Variants in SBNO1 observed in about 807,000 individuals in gnomAD.
SBNO1 encodes protein strawberry notch homolog 1.
A neutral mutation model predicts 173.6 loss-of-function variants in SBNO1; 23 were observed. That is an observed-to-expected ratio of 0.13 (90% CI 0.10 to 0.19). The LOEUF is 0.19. Ranked by LOEUF, SBNO1 falls within the 10% of genes least tolerant of loss-of-function variation. SBNO1 has a pLI of 1.00. For synonymous variants in SBNO1, 632 were observed against 571.5 expected (o/e 1.11, Z -1.51); for missense variants, 1,238 against 1,671.2 (o/e 0.74, Z 4.52).
chr12:123,317,063 C>A (rs1332037369), intron 21 of SBNO1, among the ~76,000 whole-genome samples, 158 bp downstream of exon 21: 2 of 152,208 alleles, frequency 1.3e-5, no homozygotes, highest in African/African-American at 4.8e-5. Context: ...GTCTCAAACT[C>A]CCGGACTCAA....
intron 31 of SBNO1, among the ~76,000 whole-genome samples, chr12:123,297,411 A>T: frequency 7.0e-6 from 1 of 142,760 alleles, no homozygotes; most frequent in African/African-American, 2.5e-5. Flanking sequence ...AAAAAAAAAA[A>T]AAAAAAAAAA....
At position 123,293,746 on chromosome 12, in the gene SBNO1, T is replaced by C. The variant is rs1486547152; in HGVS notation, c.*2162A>G. On this transcript the variant is annotated 3_prime_UTR_variant, in exon 32 of 32. Transcript: ENST00000602398. ...CTTAGCTGCATGCTAAGAATCCTCA[T>C]ATGCTGCTTTGAAAACGCCATAAAA... The C allele has an allele frequency of 6.6e-6, 1 of 152,214 alleles. No individual in the cohort carries two copies. Among genetic ancestry groups the C allele is most frequent in the Non-Finnish European group, 1.5e-5 (1 of 68,038 alleles). 9.4% of individuals were successfully genotyped at this position (152,214 alleles called of 1,614,324 possible).
At chr12:123,301,910 G>C (rs1000519170) in intron 30 of SBNO1, among the ~76,000 whole-genome samples, 1 of 151,690 alleles carries the variant, frequency 6.6e-6, no homozygotes, top group Admixed American at 6.6e-5. Flanking sequence ...AAAACATGAA[G>C]GGAGAGTGAC....
chr12:123,350,484 T>C lies in SBNO1; in HGVS notation c.1-43A>G, dbSNP rs768158402. 2.0e-6 allele frequency: 3 copies of C among 1,469,126 alleles called. No individual in the cohort carries two copies. The South Asian group carries it at 3.4e-5, about 17-fold the overall frequency. The allele number at this position is 1,469,126 out of a possible 1,614,324, so 91.0% of individuals were successfully genotyped here. ...AAATATTAACATAAAAAACAAAAAG[T>C]GACAAATATTAACTCCCCTCTAAAT... is the stretch of plus-strand genomic sequence containing the variant. On this transcript the variant is annotated intron_variant, in intron 1 of 31. Transcript: ENST00000602398.
intron 1 of SBNO1, among the ~76,000 whole-genome samples, chr12:123,352,494 G>A (rs1345035226): frequency 2.0e-5 from 3 of 152,106 alleles, no homozygotes; most frequent in Non-Finnish European, 4.4e-5. Context: ...GTTTCACAAT[G>A]TTGGCCAGGC....
chr12:123,296,666 T>C (rs550117560), intron 31 of SBNO1, among the ~76,000 whole-genome samples: 7 of 151,904 alleles, frequency 4.6e-5, no homozygotes, highest in South Asian at 4.2e-4. Flanking sequence ...GTTGAAGTGA[T>C]TCTCCTGCCT....
intron 30 of SBNO1, among the ~76,000 whole-genome samples, chr12:123,302,103 A>G (rs1043163365): frequency 3.3e-5 from 5 of 150,614 alleles, no homozygotes; most frequent in Non-Finnish European, 7.4e-5. Context: ...ACACCCAGCT[A>G]ATTTTTTTTT....
chr12:123,304,553 T>C, intron 29 of SBNO1, 29 bp downstream of exon 29: 2 of 1,456,896 alleles, frequency 1.4e-6, no homozygotes, highest in African/African-American at 1.4e-5. Context: ...AGTATTCCTA[T>C]ATAATATAAT....
At chr12:123,330,551 T>C in intron 8 of SBNO1, 42 bp from the exon 9 acceptor site, 1 of 1,096,860 alleles carries the variant, frequency 9.1e-7, no homozygotes, top group Non-Finnish European at 1.3e-6. Context: ...ACAAATTATA[T>C]CATTCTAGAA....
chr12:123,332,027 A>C (rs1327974819), intron 7 of SBNO1, among the ~76,000 whole-genome samples: 1 of 143,836 alleles, frequency 7.0e-6, no homozygotes, highest in Non-Finnish European at 1.5e-5. Context: ...AATTTTTTGT[A>C]TTTTTAGTAG....
chr12:123,316,579 G>A (rs1247080182), intron 21 of SBNO1, among the ~76,000 whole-genome samples: 1 of 151,936 alleles, frequency 6.6e-6, no homozygotes, highest in African/African-American at 2.4e-5. Context: ...GAGTGCAGTG[G>A]TGAAATCATA....
At chr12:123,342,454 AAAAAAAAC>A (rs1163442027) in intron 4 of SBNO1, among the ~76,000 whole-genome samples, 2 of 151,812 alleles carry the variant, frequency 1.3e-5, no homozygotes, top group African/African-American at 4.8e-5. Context: ...CTCAAAAAAG[AAAAAAAAC>A]AAAAAAACCC....
rs200267034 is a variant in SBNO1 at position 123,302,805 on chromosome 12, G to A, written c.3845+19C>T. 9.1e-4 allele frequency: 1,456 copies of A among 1,597,852 alleles called. 1 individual carries two copies. Among genetic ancestry groups the A allele is most frequent in the Non-Finnish European group, 1.2e-3 (1,392 of 1,166,228 alleles). On this transcript the variant is annotated intron_variant, in intron 30 of 31. Coordinates refer to ENST00000602398, the MANE Select transcript of SBNO1 (RefSeq NM_001167856.3). Reference sequence around the variant, plus strand: ...AATTAAATTTTGGAAAATTTGGTAGGAAACACGAAAATACTAACCAATAAG... The same window carrying A: ...AATTAAATTTTGGAAAATTTGGTAGAAAACACGAAAATACTAACCAATAAG...
chr12:123,363,311 T>C (rs1875609661), intron 1 of SBNO1, among the ~76,000 whole-genome samples: 1 of 152,144 alleles, frequency 6.6e-6, no homozygotes, highest in Non-Finnish European at 1.5e-5. Flanking sequence ...GCAACGATGA[T>C]AGCTTTCCCT....
intron 20 of SBNO1, among the ~76,000 whole-genome samples, chr12:123,317,947 G>A (rs1050957108): frequency 3.3e-5 from 5 of 152,076 alleles, no homozygotes; most frequent in Non-Finnish European, 4.4e-5. Flanking sequence ...TTGAAAATAC[G>A]TAACATTATC....
rs1329631052 is a variant in SBNO1 at position 123,315,646 on chromosome 12, A to T, written c.2950T>A (p.Ser984Thr). The change falls in exon 22 of 32, where the codon TCA becomes ACA. Residue 984 changes from serine (S) to threonine (T), a missense_variant. Ser to Thr is a moderately conservative substitution (Grantham distance 58, BLOSUM62 1). Coordinates refer to ENST00000602398, the MANE Select transcript of SBNO1 (RefSeq NM_001167856.3). The stretch of plus-strand genomic sequence containing the variant: ...TACTCAGGAGCAGTAACTTGGTTTG[A>T]TCTATGAGTACGTCCTGCAACGAAA... ...AIQQFGRTHRSNQVTAPEYVF... is the reference protein window; with the variant it reads ...AIQQFGRTHRTNQVTAPEYVF... 6.2e-7 allele frequency: 1 copy of T among 1,610,126 alleles called. No individual in the cohort carries two copies. Among genetic ancestry groups the T allele is most frequent in the African/African-American group, 1.3e-5 (1 of 74,854 alleles).
intron 25 of SBNO1, 68 bp downstream of exon 25, chr12:123,310,987 G>A (rs531116849): frequency 1.7e-6 from 2 of 1,169,426 alleles, no homozygotes; most frequent in East Asian, 4.7e-5. Flanking sequence ...CAGCTCAAAA[G>A]CATATATCAT....
At chr12:123,316,651 C>G (rs1011114416) in intron 21 of SBNO1, among the ~76,000 whole-genome samples, 3 of 151,892 alleles carry the variant, frequency 2.0e-5, no homozygotes, top group African/African-American at 7.3e-5. Flanking sequence ...TCCTGAGTAG[C>G]TGGGACTACA....
chr12:123,361,317 G>T (rs1015290247), intron 1 of SBNO1, among the ~76,000 whole-genome samples: 1 of 152,110 alleles, frequency 6.6e-6, no homozygotes, highest in Non-Finnish European at 1.5e-5. Context: ...GGGAGGCGGA[G>T]GTGGGTGGAT....
Sources: allele counts gnomAD v4.1 joint callset (sites outside exome capture counted in the v4.1 genomes callset), GRCh38; gene constraint gnomAD v4.1.1; transcripts MANE v1.5; gene names NCBI Gene and HGNC (gene_info 2026-07-23, HGNC 2026-07-21).